Variants in SLC6A11 observed in about 807,000 individuals in gnomAD.
SLC6A11 encodes the protein solute carrier family 6 member 11.
SLC6A11 carries 25 observed loss-of-function variants against 74.8 expected under a neutral mutation model. That is an observed-to-expected ratio of 0.33 (90% CI 0.24 to 0.47). The LOEUF (loss-of-function observed/expected upper bound fraction) is 0.47, where lower values mean the gene tolerates loss of function less well. Ranked by LOEUF, SLC6A11 falls within the 20% of genes least tolerant of loss-of-function variation. The probability of loss-of-function intolerance (pLI) is 1.00; values close to 1 mark genes in which losing one functional copy is unlikely to be tolerated. For synonymous variants in SLC6A11, 330 were observed against 330.2 expected, an observed-to-expected ratio of 1.00 and a Z score of 0.01; for missense variants, 574 against 837.0, an observed-to-expected ratio of 0.69 and a Z score of 3.88.
chr3:10,869,743 T>C (rs1482628988), intron 5 of SLC6A11, among the ~76,000 whole-genome samples: 1 of 152,052 alleles, frequency 6.6e-6, no homozygotes, highest in Non-Finnish European at 1.5e-5. Flanking sequence ...GCTGAGGAGG[T>C]TAGACTCAGG....
Position 10,933,247 on chromosome 3 carries a change from G to T in SLC6A11, c.1468G>T (p.Val490Leu). 1 of 1,612,730 alleles carries T rather than the reference G, an allele frequency of 6.2e-7. No individual in the cohort carries two copies. The highest frequency in any genetic ancestry group is 8.5e-7 in the Non-Finnish European group (1 of 1,178,748). The change falls in exon 11 of 14, where the codon GTG (valine) becomes TTG (leucine). Residue 490 changes from valine (V) to leucine (L), a missense_variant. Around this residue, in one of 4 missense-constraint regions of SLC6A11, gnomAD observed 257 missense variants for 341.5 expected, o/e 0.75. Coordinates refer to ENST00000254488, the MANE Select transcript of SLC6A11 (RefSeq NM_014229.3). Reference sequence around the variant, plus strand: ...CTTTGAGTGCATCTGCATCGGCTGGGTGTATGGTGAGTAGCAGCCAAGCCC... The same window carrying T: ...CTTTGAGTGCATCTGCATCGGCTGGTTGTATGGTGAGTAGCAGCCAAGCCC... ...AIFECICIGW[V>L]YGSNRFYDNI... is the part of the protein sequence containing the mutation.
At chr3:10,873,617 A>ATCCTG (rs1694864651) in intron 5 of SLC6A11, among the ~76,000 whole-genome samples, 7 of 112,832 alleles carry the variant, frequency 6.2e-5, no homozygotes, top group Non-Finnish European at 1.2e-4. Flanking sequence ...ATGCCATGCT[A>ATCCTG]TCCTATCCTA....
chr3:10,844,069 C>G (rs1694471734), intron 4 of SLC6A11, 145 bp from the exon 5 acceptor site: 3 of 902,786 alleles, frequency 3.3e-6, no homozygotes, highest in Non-Finnish European at 5.0e-6. Flanking sequence ...CTTGGAGGCC[C>G]CAAGTCCTCC....
Position 10,844,205 on chromosome 3 carries a change from C to T in SLC6A11, c.624-9C>T. 1 of 1,614,236 alleles carries T rather than the reference C, an allele frequency of 6.2e-7. No homozygotes were observed. Among genetic ancestry groups the T allele is most frequent in the Middle Eastern group, 1.7e-4 (1 of 6,058 alleles). On this transcript the variant is annotated splice_polypyrimidine_tract_variant and intron_variant, in intron 4 of 13. Transcript: ENST00000254488. ...CAGCCCCAGTGACTCTCCACCCTCC[C>T]TTCTGCAGGCACCGGGTCCTGGCCA... is the stretch of plus-strand genomic sequence containing the variant.
At chr3:10,936,203 A>G (rs951773502) in intron 13 of SLC6A11, among the ~76,000 whole-genome samples, 3 of 152,212 alleles carry the variant, frequency 2.0e-5, no homozygotes, top group African/African-American at 4.8e-5. Flanking sequence ...CCGCATAGCA[A>G]TCCTAGGGGG....
intron 6 of SLC6A11, among the ~76,000 whole-genome samples, chr3:10,900,621 A>C (rs1480893306): frequency 6.6e-6 from 1 of 152,200 alleles, no homozygotes; most frequent in Non-Finnish European, 1.5e-5. Flanking sequence ...TCTCCAGGGC[A>C]TGGAGCACCC....
At position 10,816,664 on chromosome 3, in the gene SLC6A11, G is replaced by A. The variant is rs1369651376; in HGVS notation, c.256+143G>A. The A allele has an allele frequency of 1.1e-6, 1 of 901,626 alleles. No homozygotes were observed. The highest frequency in any genetic ancestry group is 1.6e-6 in the Non-Finnish European group (1 of 630,364). The allele number at this position is 901,626 out of a possible 1,614,324, so 55.9% of individuals were successfully genotyped here. ...CCTCGACTCCAGGCACCTCGCGTGT[G>A]AGCTCGCCCCGGAGCGCGGCCCACC... On this transcript the variant is annotated intron_variant, in intron 1 of 13. Coordinates refer to ENST00000254488, the MANE Select transcript of SLC6A11 (RefSeq NM_014229.3). This position sits in a 1 kb window ranked among gnomAD's most constrained non-coding sequence, Gnocchi z 4.2.
intron 6 of SLC6A11, among the ~76,000 whole-genome samples, chr3:10,878,943 G>A (rs71316436): frequency 6.6e-6 from 1 of 152,166 alleles, no homozygotes; most frequent in Non-Finnish European, 1.5e-5. Flanking sequence ...CTGTGTCAGA[G>A]ATTATTGTAG....
intron 6 of SLC6A11, among the ~76,000 whole-genome samples, chr3:10,911,275 A>G (rs571745986): frequency 7.7e-4 from 117 of 152,336 alleles, no homozygotes; most frequent in Non-Finnish European, 1.4e-3. Context: ...GAGTCTCATC[A>G]GCTGCATTTT....
At position 10,894,298 on chromosome 3, in the gene SLC6A11, G is replaced by A. The variant is rs138277576; in HGVS notation, c.892-17792G>A. On this transcript the variant is annotated intron_variant, in intron 6 of 13. Transcript: ENST00000254488. ...ATAGGAGAGGCAATGTGAGCAGGTG[G>A]CAATGTGACCCTGAAGGCTGGCAGG... Among the ~76,000 whole-genome samples, 1,131 of 152,342 alleles carry A rather than the reference G, an allele frequency of 7.4e-3. 17 individuals carry two copies. Among genetic ancestry groups the A allele is most frequent in the African/African-American group, 0.026 (1,062 of 41,580 alleles).
chr3:10,931,616 T>C (rs1695688463), intron 10 of SLC6A11, among the ~76,000 whole-genome samples: 1 of 152,182 alleles, frequency 6.6e-6, no homozygotes, highest in Non-Finnish European at 1.5e-5. Flanking sequence ...CAGAAAAATT[T>C]CCCATACAAA....
chr3:10,832,927 A>T lies in SLC6A11; in HGVS notation c.623+9535A>T, dbSNP rs574593070. ...AGGATTTGGGTTTCCAAGCTGCTGA[A>T]GTAGGAAGGGGCATGCCAAAGTCTG... On this transcript the variant is annotated intron_variant, in intron 4 of 13. Transcript: ENST00000254488. 4.6e-5 allele frequency among the ~76,000 whole-genome samples: 7 copies of T among 152,334 alleles called. 1 individual carries two copies. In the South Asian group the frequency reaches 1.5e-3, roughly 32 times the overall value.
In SLC6A11 at chr3:10,911,476, G is replaced by C. The variant is rs1354549743; in HGVS notation, c.892-614G>C. 2.0e-5 allele frequency among the ~76,000 whole-genome samples: 3 copies of C among 152,136 alleles called. No individual in the cohort carries two copies. In the East Asian group the frequency reaches 5.8e-4, roughly 29 times the overall value. On this transcript the variant is annotated intron_variant, in intron 6 of 13. Transcript: ENST00000254488. ...TACCACATAGGAAGCCTAGAGGGGG[G>C]GAGTCTGTTCTGAAAGGGAGAAGGA...
Position 10,935,181 on chromosome 3 carries a change from G to T in SLC6A11, c.1728G>T (p.Thr576=), listed in dbSNP as rs145331331. ...GGATCTGCATCACAGTGTGGAAGAC[G>T]GAGGGGACACTGCCCGAGGTGAGAC... is the stretch of plus-strand genomic sequence containing the variant. ...PLWICITVWK[T]EGTLPEKLQK... is the part of the protein sequence containing the mutation. The change falls in exon 13 of 14, where the codon ACG becomes ACT. Residue 576 remains threonine, a synonymous_variant. Transcript: ENST00000254488. 4.1e-3 allele frequency: 6,600 copies of T among 1,614,156 alleles called. 18 individuals are homozygous for T. Among genetic ancestry groups the T allele is most frequent in the Non-Finnish European group, 4.8e-3 (5,666 of 1,180,006 alleles).
chr3:10,855,568 G>A lies in SLC6A11; in HGVS notation c.756+11222G>A, dbSNP rs1002945381. On this transcript the variant is annotated intron_variant, in intron 5 of 13. Coordinates refer to ENST00000254488, the MANE Select transcript of SLC6A11 (RefSeq NM_014229.3). ...TCTTGTGTCTCTGTCAAGCTTGTGG[G>A]TCCAGGGAGATTTCTTACTCCATGA... Among the ~76,000 whole-genome samples, 16 of 152,300 alleles carry A rather than the reference G, an allele frequency of 1.1e-4. 1 individual carries two copies. Among genetic ancestry groups the A allele is most frequent in the Middle Eastern group, 6.8e-3 (2 of 294 alleles).
intron 6 of SLC6A11, 92 bp from the exon 7 acceptor site, chr3:10,911,998 A>G: frequency 2.4e-6 from 2 of 845,820 alleles, no homozygotes; most frequent in South Asian, 1.4e-5. Context: ...TCTGAAGGGT[A>G]GAGTGTGGGT....
At chr3:10,886,824 A>AC (rs1695048477) in intron 6 of SLC6A11, among the ~76,000 whole-genome samples, 1 of 151,662 alleles carries the variant, frequency 6.6e-6, no homozygotes, top group Non-Finnish European at 1.5e-5. Context: ...AAAAAAAAAA[A>AC]ATCTCTCCCT....
At chr3:10,898,305 C>T (rs1466429690) in intron 6 of SLC6A11, among the ~76,000 whole-genome samples, 1 of 152,230 alleles carries the variant, frequency 6.6e-6, no homozygotes, top group East Asian at 1.9e-4. Context: ...AATTTCTTCT[C>T]AGAAAATGGG....
intron 6 of SLC6A11, among the ~76,000 whole-genome samples, chr3:10,886,920 T>C (rs895562690): frequency 6.6e-6 from 1 of 152,220 alleles, no homozygotes; most frequent in Non-Finnish European, 1.5e-5. Flanking sequence ...TATTTGTTGA[T>C]GTGTTCATTG....
Sources: gnomAD v4.1 joint callset for allele counts (sites outside exome capture counted in the v4.1 genomes callset) on GRCh38, gnomAD v4.1.1 for gene constraint, gnomAD v4.1.1 regional missense constraint, Gnocchi (gnomAD v3.1) non-coding constraint, MANE v1.5 for transcripts, NCBI Gene and HGNC (gene_info 2026-07-23, HGNC 2026-07-21) for gene names.